ANGPT4: variants seen among roughly 807,000 people sequenced by gnomAD.
ANGPT4 encodes the protein angiopoietin 4.
ANGPT4 carries 50 observed loss-of-function variants against 53.0 expected under a neutral mutation model. The ratio of observed to expected loss-of-function variants is 0.94; its 90% CI spans 0.75 to 1.20. The LOEUF (loss-of-function observed/expected upper bound fraction) is 1.20. ANGPT4 is among the 50% of genes most tolerant of loss of function. The pLI is 0.00. For missense variants in ANGPT4, 648 were observed against 637.1 expected, an observed-to-expected ratio of 1.02 and a Z score of -0.18; for synonymous variants, 251 against 259.7, an observed-to-expected ratio of 0.97 and a Z score of 0.32.
intron 1 of ANGPT4, among the ~76,000 whole-genome samples, chr20:907,413 C>T (rs1465052179): frequency 6.6e-6 from 1 of 152,180 alleles, no homozygotes; most frequent in Admixed American, 6.5e-5. Context: ...TCCCTGCCTC[C>T]TCAGGCTCAG....
chr20:882,725 G>A (rs950628955), intron 4 of ANGPT4, among the ~76,000 whole-genome samples: 11 of 152,202 alleles, frequency 7.2e-5, no homozygotes. Flanking sequence ...CAGAGCCAGG[G>A]TTGGCCTGAG....
At chr20:885,379 C>A (rs974089060) in intron 3 of ANGPT4, 54 bp from the exon 4 acceptor site, 9 of 1,460,754 alleles carry the variant, frequency 6.2e-6, no homozygotes, top group Non-Finnish European at 8.1e-6. Flanking sequence ...GAAGCACGCA[C>A]CCCCGCGCGC....
intron 1 of ANGPT4, among the ~76,000 whole-genome samples, chr20:903,314 C>T (rs1982355882): frequency 6.6e-6 from 1 of 152,186 alleles, no homozygotes; most frequent in African/African-American, 2.4e-5. Flanking sequence ...CCCTGCTTTC[C>T]TTTGTCTCTC....
At chr20:893,033 G>A (rs933057881) in intron 1 of ANGPT4, among the ~76,000 whole-genome samples, 17 of 152,112 alleles carry the variant, frequency 1.1e-4, no homozygotes, top group Admixed American at 9.8e-4. Flanking sequence ...ACTCCTACAC[G>A]GCAGGGCCCC....
intron 1 of ANGPT4, among the ~76,000 whole-genome samples, chr20:894,253 C>A (rs1981960243): frequency 6.6e-6 from 1 of 152,180 alleles, no homozygotes; most frequent in Non-Finnish European, 1.5e-5. Context: ...TGGATGCGGT[C>A]ACCTTCCCAG....
intron 1 of ANGPT4, among the ~76,000 whole-genome samples, chr20:899,665 C>T (rs147617234): frequency 0.025 from 3,823 of 152,238 alleles, 176 homozygotes; most frequent in African/African-American, 0.084. Flanking sequence ...CCAAGATCTT[C>T]GCCTTATCAA....
chr20:888,265 C>G lies in ANGPT4; in HGVS notation c.587+53G>C, dbSNP rs1356932761. On this transcript the variant is annotated intron_variant, in intron 3 of 8. Transcript: ENST00000381922. ...TCTGGTGCCTGCCCTAGGTCCTAAA[C>G]TTGACTCCAGCCCCAGCCCCTGTCC... The G allele has an allele frequency of 2.5e-6, 4 of 1,577,354 alleles. No homozygotes were observed. The South Asian group carries it at 3.5e-5, about 14-fold the overall frequency.
chr20:916,163 T>C lies in ANGPT4; in HGVS notation c.52A>G (p.Thr18Ala), dbSNP rs1180122787. 1 of 1,614,016 alleles carries C rather than the reference T, an allele frequency of 6.2e-7. No homozygotes were observed. Among genetic ancestry groups the C allele is most frequent in the Non-Finnish European group, 8.5e-7 (1 of 1,179,988 alleles). The change falls in exon 1 of 9, where the codon ACC becomes GCC. Residue 18 changes from threonine (T) to alanine (A), a missense_variant. Coordinates refer to ENST00000381922, the MANE Select transcript of ANGPT4 (RefSeq NM_015985.4). ...CTTGTCTGTTGAGCCACAGACATGGTGGCAACCACAAGGAGGAGGCTGCCC... is the reference window on the plus strand; with the variant it reads ...CTTGTCTGTTGAGCCACAGACATGGCGGCAACCACAAGGAGGAGGCTGCCC... The part of the protein sequence containing the change: ...LQGSLLLVVA[T>A]MSVAQQTRQE...
chr20:890,392 T>G, intron 1 of ANGPT4, 24 bp from the exon 2 acceptor site: 2 of 1,464,480 alleles, frequency 1.4e-6, no homozygotes, highest in East Asian at 2.4e-5. Context: ...TGGGCTGGGG[T>G]CACGGGGGAG....
chr20:907,666 G>A (rs1232441121), intron 1 of ANGPT4, among the ~76,000 whole-genome samples: 3 of 152,190 alleles, frequency 2.0e-5, no homozygotes, highest in African/African-American at 4.8e-5. Context: ...GCACAGAGAG[G>A]TTAAACAACT....
intron 3 of ANGPT4, among the ~76,000 whole-genome samples, 178 bp downstream of exon 3, chr20:888,140 A>G (rs747172860): frequency 3.9e-5 from 6 of 152,012 alleles, no homozygotes; most frequent in Non-Finnish European, 8.8e-5. Flanking sequence ...CCTTGCCCCA[A>G]TCCTAATCCA....
Position 911,353 on chromosome 20 carries a change from T to C in ANGPT4, c.309+4553A>G, listed in dbSNP as rs908900307. 1.3e-5 allele frequency among the ~76,000 whole-genome samples: 2 copies of C among 152,092 alleles called. No homozygotes were observed. The highest frequency in any genetic ancestry group is 2.9e-5 in the Non-Finnish European group (2 of 67,998). Reference sequence around the variant, plus strand: ...GCCCCTGACCCCTCTCTGCTTGGCTTTGGGTGCAGAGGAGGAAGAGAAAGA... The same window carrying C: ...GCCCCTGACCCCTCTCTGCTTGGCTCTGGGTGCAGAGGAGGAAGAGAAAGA... On this transcript the variant is annotated intron_variant, in intron 1 of 8. Transcript: ENST00000381922. The surrounding 1 kb of genome is among the most constrained non-coding windows in gnomAD (Gnocchi z 4.9).
At chr20:879,893 C>G (rs374903754) in intron 5 of ANGPT4, 45 bp from the exon 6 acceptor site, 6 of 1,508,880 alleles carry the variant, frequency 4.0e-6, no homozygotes, top group Non-Finnish European at 5.5e-6. Flanking sequence ...TTGGAGGTAG[C>G]CAGAGGCCAG....
chr20:884,219 G>A (rs915045009), intron 4 of ANGPT4, among the ~76,000 whole-genome samples: 7 of 152,184 alleles, frequency 4.6e-5, no homozygotes, highest in Non-Finnish European at 5.9e-5. Flanking sequence ...CTTCTCCTTC[G>A]CACAGCCTTT....
At position 914,813 on chromosome 20, in the gene ANGPT4, C is replaced by G. The variant is rs1188711464; in HGVS notation, c.309+1093G>C. 1.3e-5 allele frequency among the ~76,000 whole-genome samples: 2 copies of G among 152,162 alleles called. No homozygotes were observed. The highest frequency in any genetic ancestry group is 2.9e-5 in the Non-Finnish European group (2 of 68,020). On this transcript the variant is annotated intron_variant, in intron 1 of 8. Coordinates refer to ENST00000381922, the MANE Select transcript of ANGPT4 (RefSeq NM_015985.4). The surrounding 1 kb of genome is among the most constrained non-coding windows in gnomAD (Gnocchi z 5.0). ...GCCAGGGCCAAGCCTGCTTTGCACA[C>G]CTCTGTAGTCAGTGCTTCTCCGAGG...
chr20:915,824 T>C (rs1393247237), intron 1 of ANGPT4, 82 bp downstream of exon 1: 4 of 1,479,492 alleles, frequency 2.7e-6, no homozygotes, highest in Non-Finnish European at 3.6e-6. Context: ...AGGGAAGGCC[T>C]CTTGGATGGA....
At chr20:906,646 G>A (rs1982488703) in intron 1 of ANGPT4, among the ~76,000 whole-genome samples, 2 of 152,216 alleles carry the variant, frequency 1.3e-5, no homozygotes, top group African/African-American at 4.8e-5. Context: ...GCTGACTTGT[G>A]ATTTATGAGG....
chr20:895,305 G>C (rs898825041), intron 1 of ANGPT4, among the ~76,000 whole-genome samples: 1 of 152,202 alleles, frequency 6.6e-6, no homozygotes, highest in Non-Finnish European at 1.5e-5. Context: ...ACAAAGGCCT[G>C]ACCTTTTGTC....
chr20:891,971 A>C (rs1347234990), intron 1 of ANGPT4, among the ~76,000 whole-genome samples: 1 of 152,068 alleles, frequency 6.6e-6, no homozygotes, highest in Middle Eastern at 3.2e-3. Context: ...TGTGGTTAAC[A>C]ACACCCCTGG....
Sources: gnomAD v4.1 joint callset for allele counts (sites outside exome capture counted in the v4.1 genomes callset) on GRCh38, gnomAD v4.1.1 for gene constraint, Gnocchi (gnomAD v3.1) non-coding constraint, MANE v1.5 for transcripts, NCBI Gene and HGNC (gene_info 2026-07-23, HGNC 2026-07-21) for gene names.